RHOBTB1: variants seen among roughly 807,000 people sequenced by gnomAD.
RHOBTB1 encodes Rho related BTB domain containing 1, also known as rho-related BTB domain-containing protein 1.
In RHOBTB1, 40 loss-of-function variants were observed where a neutral mutation model predicts 71.6. The observed-to-expected ratio is 0.56, with a 90% CI of 0.43 to 0.73. The LOEUF (loss-of-function observed/expected upper bound fraction) is 0.73, where lower values mean the gene tolerates loss of function less well. Ranked by LOEUF, RHOBTB1 falls within the 30% of genes least tolerant of loss-of-function variation. The pLI, the probability that RHOBTB1 is intolerant of heterozygous loss-of-function variation, is 0.00. For synonymous variants in RHOBTB1, 319 were observed against 334.9 expected (o/e 0.95, Z 0.52); for missense variants, 797 against 894.0 (o/e 0.89, Z 1.38).
At chr10:60,994,896 C>T (rs967037429) in intron 1 of RHOBTB1, among the ~76,000 whole-genome samples, 1 of 151,776 alleles carries the variant, frequency 6.6e-6, no homozygotes, top group African/African-American at 2.4e-5. Flanking sequence ...ATCACCCTGT[C>T]ACAGTTGAAG....
chr10:60,990,046 G>T (rs538371471), intron 1 of RHOBTB1, among the ~76,000 whole-genome samples: 1 of 146,684 alleles, frequency 6.8e-6, no homozygotes, highest in Non-Finnish European at 1.5e-5. Flanking sequence ...GCAGTGGCGC[G>T]ATCTCGGCTC....
chr10:60,999,719 CTA>C (rs2087189467), intron 1 of RHOBTB1, among the ~76,000 whole-genome samples: 1 of 152,328 alleles, frequency 6.6e-6, no homozygotes, highest in South Asian at 2.1e-4. Context: ...GACTGGAAAG[CTA>C]TGAGGCTATT....
upstream of RHOBTB1, among the ~76,000 whole-genome samples, chr10:60,944,569 C>T (rs1340072906): frequency 6.6e-6 from 1 of 152,184 alleles, no homozygotes; most frequent in African/African-American, 2.4e-5. Context: ...TCCCCGTACC[C>T]CTGCCCCAAC....
intron 2 of RHOBTB1, among the ~76,000 whole-genome samples, chr10:60,975,504 T>C (rs1179117513): frequency 2.0e-5 from 3 of 152,150 alleles, no homozygotes; most frequent in South Asian, 2.1e-4. Flanking sequence ...AACTAAATGC[T>C]GAAATTTTAA....
intron 4 of RHOBTB1, among the ~76,000 whole-genome samples, chr10:60,908,376 A>C (rs2082789591): frequency 6.6e-6 from 1 of 152,228 alleles, no homozygotes; most frequent in Non-Finnish European, 1.5e-5. Context: ...AAGAATAGGG[A>C]ATGTATTTCA....
intron 2 of RHOBTB1, among the ~76,000 whole-genome samples, chr10:60,952,172 G>T (rs2085435442): frequency 6.6e-6 from 1 of 150,604 alleles, no homozygotes; most frequent in African/African-American, 2.5e-5. Flanking sequence ...TTTATGCAAA[G>T]CTGGAATTTT....
Position 60,940,492 on chromosome 10 carries a change from C to T in RHOBTB1, c.-11+1312G>A, listed in dbSNP as rs543853603. Among the ~76,000 whole-genome samples, 25 of 152,290 alleles carry T rather than the reference C, an allele frequency of 1.6e-4. No individual in the cohort carries two copies. In the South Asian group the frequency reaches 3.1e-3, roughly 19 times the overall value. ...TCTATTATGTATCCAAATCCATCTA[C>T]GTGGTGCCTTTCAGACAAACTGAGG... On this transcript the variant is annotated intron_variant, in intron 2 of 10. Transcript: ENST00000337910.
intron 2 of RHOBTB1, 48 bp downstream of exon 2, chr10:60,941,756 A>C (rs2084914410): frequency 6.6e-6 from 1 of 152,594 alleles, no homozygotes; most frequent in Non-Finnish European, 1.5e-5. Flanking sequence ...AAAATTAGAC[A>C]CAGGATGTTA....
At chr10:60,920,430 C>A in intron 2 of RHOBTB1, among the ~76,000 whole-genome samples, 1 of 151,902 alleles carries the variant, frequency 6.6e-6, no homozygotes, top group East Asian at 1.9e-4. Flanking sequence ...AGGGCCCGTT[C>A]AAGAGATGGG....
intron 7 of RHOBTB1, among the ~76,000 whole-genome samples, chr10:60,883,608 T>G (rs1030113136): frequency 1.3e-5 from 2 of 152,210 alleles, no homozygotes; most frequent in African/African-American, 4.8e-5. Flanking sequence ...CTCCAGAGAT[T>G]GCTGAAGTCA....
At chr10:60,954,804 T>C (rs1347774406) in intron 2 of RHOBTB1, among the ~76,000 whole-genome samples, 1 of 152,176 alleles carries the variant, frequency 6.6e-6, no homozygotes, top group Non-Finnish European at 1.5e-5. Flanking sequence ...TGTTCTGTTG[T>C]ACCAGCCCTG....
At chr10:60,918,837 C>T (rs2083406180) in intron 2 of RHOBTB1, among the ~76,000 whole-genome samples, 1 of 152,046 alleles carries the variant, frequency 6.6e-6, no homozygotes, top group East Asian at 1.9e-4. Context: ...ACCTCCACCT[C>T]CTGGGTTCAA....
intron 9 of RHOBTB1, 39 bp downstream of exon 9, chr10:60,874,915 T>A: frequency 8.2e-6 from 11 of 1,338,740 alleles, no homozygotes; most frequent in Non-Finnish European, 1.2e-5. Context: ...ATGAACTGAT[T>A]GAACACACTT....
rs546461566 is a variant in RHOBTB1 at position 60,933,476 on chromosome 10, C to T, written c.-11+8328G>A. On this transcript the variant is annotated intron_variant, in intron 2 of 10. Coordinates refer to ENST00000337910, the MANE Select transcript of RHOBTB1 (RefSeq NM_014836.5). ...GTGGCTCACGCCTGTAATCCCAGCA[C>T]TTTGGGAGGCTGAGGCAGGCAGATC... Among the ~76,000 whole-genome samples the T allele has an allele frequency of 5.9e-5, 9 of 152,234 alleles. No individual in the cohort carries two copies. The South Asian group carries it at 1.7e-3, about 28-fold the overall frequency.
chr10:60,945,027 A>C (rs552491483), upstream of RHOBTB1, among the ~76,000 whole-genome samples: 33 of 152,136 alleles, frequency 2.2e-4, no homozygotes, highest in African/African-American at 6.8e-4. Context: ...TTCCAGGCTG[A>C]CCGTGAGTTC....
chr10:60,948,364 A>G (rs1427670099), upstream of RHOBTB1, among the ~76,000 whole-genome samples: 2 of 152,212 alleles, frequency 1.3e-5, no homozygotes, highest in Non-Finnish European at 2.9e-5. Flanking sequence ...ACTCCTATAG[A>G]AAGGGTCTTT....
At chr10:60,913,283 T>A (rs2083088235) in intron 2 of RHOBTB1, among the ~76,000 whole-genome samples, 1 of 152,112 alleles carries the variant, frequency 6.6e-6, no homozygotes, top group Admixed American at 6.5e-5. Flanking sequence ...AGTAGAGTGA[T>A]TCAAGGAACA....
chr10:60,914,794 T>G (rs1305250789), intron 2 of RHOBTB1, among the ~76,000 whole-genome samples: 1 of 152,212 alleles, frequency 6.6e-6, no homozygotes, highest in East Asian at 1.9e-4. Context: ...TCATGAGTAG[T>G]CCTAAGAAGA....
At chr10:60,930,600 AAC>A (rs1212388201) in intron 2 of RHOBTB1, among the ~76,000 whole-genome samples, 2 of 152,204 alleles carry the variant, frequency 1.3e-5, no homozygotes, top group Non-Finnish European at 2.9e-5. Context: ...AGCAGAAAGA[AAC>A]ACAAACTGAT....
Sources: allele counts gnomAD v4.1 joint callset (sites outside exome capture counted in the v4.1 genomes callset), GRCh38; gene constraint gnomAD v4.1.1; transcripts MANE v1.5; gene names NCBI Gene and HGNC (gene_info 2026-07-23, HGNC 2026-07-21).